Variants in PIP5K1C observed in about 807,000 individuals in gnomAD.
PIP5K1C encodes phosphatidylinositol 4-phosphate 5-kinase type-1 gamma.
In PIP5K1C, 45 loss-of-function variants were observed where a neutral mutation model predicts 80.1. The observed-to-expected ratio is 0.56, with a 90% CI of 0.44 to 0.72. The LOEUF (loss-of-function observed/expected upper bound fraction) is 0.72, where lower values mean the gene tolerates loss of function less well. Ranked by LOEUF, PIP5K1C falls within the 30% of genes least tolerant of loss-of-function variation. PIP5K1C has a pLI of 0.00. For missense variants in PIP5K1C, 753 were observed against 954.6 expected (o/e 0.79, Z 2.78); for synonymous variants, 498 against 420.1 (o/e 1.19, Z -2.27).
chr19:3,652,341 A>G (rs2034482980), intron 7 of PIP5K1C, among the ~76,000 whole-genome samples: 1 of 152,222 alleles, frequency 6.6e-6, no homozygotes, highest in African/African-American at 2.4e-5. Flanking sequence ...AGCCGGGCCT[A>G]TGCTCTGACC....
chr19:3,668,835 G>T (rs997322516), intron 1 of PIP5K1C, among the ~76,000 whole-genome samples: 19 of 152,200 alleles, frequency 1.2e-4, no homozygotes, highest in Admixed American at 1.2e-3. Flanking sequence ...GGATGCCGTG[G>T]GAGCCGGAGG....
At position 3,643,286 on chromosome 19, in the gene PIP5K1C, G is replaced by A; in HGVS notation, c.1606C>T (p.Pro536Ser). The A allele has an allele frequency of 6.2e-7, 1 of 1,613,968 alleles. No homozygotes were observed. ...TTLSSTSLSI[P>S]ERSPSETSEQ... is the part of the protein sequence containing the mutation. ...GACGTCTCCGAGGGGGACCGCTCAG[G>A]AATGGAGAGGGATGTGGATGACAGA... The change falls in exon 13 of 18, where the codon CCT becomes TCT. Residue 536 changes from proline to serine, a missense_variant. Physicochemically the swap from Pro to Ser is moderately conservative, Grantham distance 74 (BLOSUM62 -1). Coordinates refer to ENST00000335312, the MANE Select transcript of PIP5K1C (RefSeq NM_012398.3).
Position 3,648,822 on chromosome 19 carries a change from G to C in PIP5K1C, c.1128-114C>G. On this transcript the variant is annotated intron_variant, in intron 8 of 17. Transcript: ENST00000335312. This position sits in a 1 kb window ranked among gnomAD's most constrained non-coding sequence, Gnocchi z 4.3. ...CATCTGCTCCTGTGGGTGGCAACTT[G>C]GCCAAGCTCTCGGAGTGGGGCCTGG... 1 of 855,388 alleles carries C rather than the reference G, an allele frequency of 1.2e-6. No homozygotes were observed. Among genetic ancestry groups the C allele is most frequent in the Non-Finnish European group, 1.9e-6 (1 of 518,956 alleles). The allele number at this position is 855,388 out of a possible 1,614,324, so 53.0% of individuals were successfully genotyped here.
intron 14 of PIP5K1C, among the ~76,000 whole-genome samples, chr19:3,642,545 T>C (rs1185617092): frequency 6.6e-6 from 1 of 152,084 alleles, no homozygotes; most frequent in Non-Finnish European, 1.5e-5. Flanking sequence ...TCCCAGAAAG[T>C]ATCTTCCAAG....
chr19:3,642,748 G>T (rs948334963), intron 14 of PIP5K1C, among the ~76,000 whole-genome samples, 159 bp downstream of exon 14: 1 of 152,124 alleles, frequency 6.6e-6, no homozygotes, highest in Admixed American at 6.5e-5. Context: ...AAAGTGGCTG[G>T]AAGATTGTGT....
chr19:3,648,479 TCCACCTGTGGGACTGCAGACCCAGGCGC>T lies in PIP5K1C; in HGVS notation c.1211+118_1211+145del, dbSNP rs1387964615. On this transcript the variant is annotated intron_variant, in intron 9 of 17. Coordinates refer to ENST00000335312, the MANE Select transcript of PIP5K1C (RefSeq NM_012398.3). This position sits in a 1 kb window ranked among gnomAD's most constrained non-coding sequence, Gnocchi z 4.3. ...TGCATGGGTGTCCTGGGGGCGCCCA[TCCACCTGTGGGACTGCAGACCCAGGCGC>T]CCACCTGTGGGGCTGCAGACCCGGG... 7 of 799,424 alleles carry T rather than the reference TCCACCTGTGGGACTGCAGACCCAGGCGC, an allele frequency of 8.8e-6. No individual in the cohort carries two copies. Among genetic ancestry groups the T allele is most frequent in the African/African-American group, 8.7e-5 (5 of 57,490 alleles). 49.5% of individuals were successfully genotyped at this position (799,424 alleles called of 1,614,324 possible).
rs559331896 is a variant in PIP5K1C, at chr19:3,664,501, G to A, written c.219+321C>T. Among the ~76,000 whole-genome samples the A allele has an allele frequency of 2.6e-3, 399 of 152,304 alleles. 2 individuals are homozygous for A. The highest frequency in any genetic ancestry group is 0.01 in the Middle Eastern group (3 of 294). ...TGTCCCATCCACTGCCCGAGGTGGT[G>A]GTGGGGTCCATAACCCCTCTCCCTC... On this transcript the variant is annotated intron_variant, in intron 3 of 17. Coordinates refer to ENST00000335312, the MANE Select transcript of PIP5K1C (RefSeq NM_012398.3).
chr19:3,639,297 T>C (rs1225082203), intron 15 of PIP5K1C, among the ~76,000 whole-genome samples: 1 of 152,174 alleles, frequency 6.6e-6, no homozygotes, highest in Non-Finnish European at 1.5e-5. Context: ...CACACACCTG[T>C]GGGCACGTGC....
intron 1 of PIP5K1C, among the ~76,000 whole-genome samples, chr19:3,670,447 C>A (rs540913324): frequency 2.6e-5 from 4 of 152,294 alleles, no homozygotes; most frequent in African/African-American, 9.6e-5. Context: ...CCTGAAACGC[C>A]AAGGATGCCC....
chr19:3,686,099 T>C (rs1473094921), intron 1 of PIP5K1C, among the ~76,000 whole-genome samples: 4 of 152,110 alleles, frequency 2.6e-5, no homozygotes, highest in African/African-American at 9.7e-5. Context: ...CTGATCCTCC[T>C]ACCCTGGCCT....
chr19:3,633,076 C>T lies in PIP5K1C; in HGVS notation c.*91G>A, dbSNP rs566988511. Reference sequence around the variant, plus strand: ...GTGGGGCGGCGAGGCGGGCATCTCCCGAGCTCTGGGCCTCAGCGGGGTGGG... The same window carrying T: ...GTGGGGCGGCGAGGCGGGCATCTCCTGAGCTCTGGGCCTCAGCGGGGTGGG... On this transcript the variant is annotated 3_prime_UTR_variant, in exon 18 of 18. Transcript: ENST00000335312. 3.5e-4 allele frequency: 245 copies of T among 704,960 alleles called. No homozygotes were observed. In the African/African-American group the frequency reaches 3.7e-3, roughly 11 times the overall value. 43.7% of individuals were successfully genotyped at this position (704,960 alleles called of 1,614,324 possible). A position where few individuals can be genotyped will look rare whatever the true frequency, so the allele number is the denominator to read the frequency against.
chr19:3,661,413 C>T (rs531732596), intron 4 of PIP5K1C, among the ~76,000 whole-genome samples: 12 of 152,366 alleles, frequency 7.9e-5, no homozygotes, highest in African/African-American at 2.6e-4. Context: ...AGCAGAAACA[C>T]TGGTCATGTC....
Position 3,653,350 on chromosome 19 carries a change from C to G in PIP5K1C, c.861G>C (p.Gly287=). Reference sequence around the variant, plus strand: ...TGAAGGTGTCGGCGTCCAGCAGGAGCCCCTCGGGCATGTCCTGCATGAAGT... The same window carrying G: ...TGAAGGTGTCGGCGTCCAGCAGGAGGCCCTCGGGCATGTCCTGCATGAAGT... ...DLDFMQDMPE[G]LLLDADTFSA... The change falls in exon 7 of 18, where the codon GGG becomes GGC. Residue 287 remains glycine, a synonymous_variant. Transcript: ENST00000335312. 2 of 1,611,960 alleles carry G rather than the reference C, an allele frequency of 1.2e-6. No individual in the cohort carries two copies. The highest frequency in any genetic ancestry group is 3.3e-4 in the Middle Eastern group (2 of 6,062).
intron 5 of PIP5K1C, among the ~76,000 whole-genome samples, 193 bp downstream of exon 5, chr19:3,660,773 T>C (rs1465063770): frequency 6.6e-6 from 1 of 151,856 alleles, no homozygotes; most frequent in Admixed American, 6.6e-5. Context: ...CAGCTGCCAG[T>C]GATGTGAGCT....
In PIP5K1C at chr19:3,661,171, A is replaced by G; in HGVS notation, c.351-88T>C. The G allele has an allele frequency of 3.5e-6, 3 of 865,400 alleles. No homozygotes were observed. In the South Asian group the frequency reaches 4.2e-5, roughly 12 times the overall value. The allele number at this position is 865,400 out of a possible 1,614,324, so 53.6% of individuals were successfully genotyped here. A position where few individuals can be genotyped will look rare whatever the true frequency, so the allele number is the denominator to read the frequency against. ...CATGGTCCCTCCTAGTGCCTCTAGC[A>G]GCTGAGCCTCTAGCGGCTCAGCTCC... On this transcript the variant is annotated intron_variant, in intron 4 of 17. Coordinates refer to ENST00000335312, the MANE Select transcript of PIP5K1C (RefSeq NM_012398.3).
intron 6 of PIP5K1C, among the ~76,000 whole-genome samples, chr19:3,655,026 T>C (rs1490674015): frequency 7.1e-6 from 1 of 140,428 alleles, no homozygotes; most frequent in East Asian, 2.1e-4. Flanking sequence ...CAGAATCGCT[T>C]GAACCCAGGA....
rs149950544 is a variant in PIP5K1C at position 3,648,547 on chromosome 19, G to C, written c.1211+78C>G. On this transcript the variant is annotated intron_variant, in intron 9 of 17. Coordinates refer to ENST00000335312, the MANE Select transcript of PIP5K1C (RefSeq NM_012398.3). The surrounding 1 kb of genome is among the most constrained non-coding windows in gnomAD (Gnocchi z 4.3). ...GCAGACCCGGGCGCCCACCTGTGGG[G>C]CTGCAGACCCGGGCGCCCACCTGTG... The C allele has an allele frequency of 1.6e-6, 1 of 610,228 alleles. No individual in the cohort carries two copies. The highest frequency in any genetic ancestry group is 2.8e-6 in the Non-Finnish European group (1 of 360,418). 37.8% of individuals were successfully genotyped at this position (610,228 alleles called of 1,614,324 possible).
At chr19:3,684,178 T>G (rs1238894439) in intron 1 of PIP5K1C, among the ~76,000 whole-genome samples, 1 of 152,092 alleles carries the variant, frequency 6.6e-6, no homozygotes, top group Non-Finnish European at 1.5e-5. Context: ...AAGAAGAGCC[T>G]CCCGCTCACA....
Position 3,636,589 on chromosome 19 carries a change from T to C in PIP5K1C, c.1920+2295A>G, listed in dbSNP as rs146826040. 8,882 of 985,552 alleles carry C rather than the reference T, an allele frequency of 9.0e-3. 48 individuals carry two copies. Among genetic ancestry groups the C allele is most frequent in the Non-Finnish European group, 0.01 (8,393 of 830,080 alleles). The allele number at this position is 985,552 out of a possible 1,614,324, so 61.1% of individuals were successfully genotyped here. ...CTCCCAGCAGGCCCCTCTGGGCAGC[T>C]CCTGGACGATCTCCGGGGCACGGCT... On this transcript the variant is annotated intron_variant, in intron 16 of 17. Transcript: ENST00000335312.
Sources: gnomAD v4.1 joint callset for allele counts (sites outside exome capture counted in the v4.1 genomes callset) on GRCh38, gnomAD v4.1.1 for gene constraint, Gnocchi (gnomAD v3.1) non-coding constraint, MANE v1.5 for transcripts, NCBI Gene and HGNC (gene_info 2026-07-23, HGNC 2026-07-21) for gene names.